The following TNR variants were observed in gnomAD, a reference collection of about 807,000 sequenced individuals.
The protein encoded by TNR is tenascin R, also known as tenascin-R.
A neutral mutation model predicts 150.4 loss-of-function variants in TNR; 45 were observed. The ratio of observed to expected loss-of-function variants is 0.30; its 90% CI spans 0.24 to 0.38. The LOEUF is 0.38. TNR is among the 10% of genes least tolerant of loss of function. The probability of loss-of-function intolerance (pLI) is 1.00; values close to 1 mark genes in which losing one functional copy is unlikely to be tolerated. For missense variants in TNR, 1,544 were observed against 1,759.1 expected (o/e 0.88, Z 2.19); for synonymous variants, 687 against 678.4 (o/e 1.01, Z -0.20).
intron 1 of TNR, among the ~76,000 whole-genome samples, chr1:175,725,673 G>A (rs187526450): frequency 1.4e-4 from 22 of 152,340 alleles, no homozygotes; most frequent in Admixed American, 1.3e-3. Context: ...TGTTTTAATA[G>A]TAGAAGAGAA....
At chr1:175,459,793 C>T (rs1432123873) in intron 2 of TNR, among the ~76,000 whole-genome samples, 2 of 152,132 alleles carry the variant, frequency 1.3e-5, no homozygotes, top group African/African-American at 4.8e-5. Flanking sequence ...AAACCCTAGC[C>T]AGCAATACTG....
chr1:175,496,044 A>G (rs908355165), intron 2 of TNR, among the ~76,000 whole-genome samples: 6 of 152,044 alleles, frequency 3.9e-5, no homozygotes, highest in Non-Finnish European at 8.8e-5. Context: ...CACTCTTTTC[A>G]AGCCATTTTG....
At chr1:175,545,545 C>T (rs1660653512) in intron 1 of TNR, among the ~76,000 whole-genome samples, 1 of 152,082 alleles carries the variant, frequency 6.6e-6, no homozygotes, top group Admixed American at 6.5e-5. Context: ...AGGCTATATG[C>T]CTGAAAACAT....
intron 2 of TNR, among the ~76,000 whole-genome samples, chr1:175,461,543 A>G (rs1474205516): frequency 4.6e-5 from 7 of 152,214 alleles, no homozygotes; most frequent in African/African-American, 1.7e-4. Flanking sequence ...GGAACTTTCC[A>G]TGAAAGAACA....
chr1:175,525,217 C>T (rs1167306645), intron 2 of TNR, among the ~76,000 whole-genome samples: 9 of 152,216 alleles, frequency 5.9e-5, no homozygotes, highest in Admixed American at 5.9e-4. Context: ...TTTGCTTCCC[C>T]TTCTGCCATG....
chr1:175,541,428 C>T (rs1369322872), intron 1 of TNR, among the ~76,000 whole-genome samples: 1 of 152,100 alleles, frequency 6.6e-6, no homozygotes, highest in South Asian at 2.1e-4. Flanking sequence ...AAACTGTGTG[C>T]AGAGGGAAAA....
intron 18 of TNR, 94 bp from the exon 19 acceptor site, chr1:175,337,773 G>A: frequency 7.1e-7 from 1 of 1,399,476 alleles, no homozygotes; most frequent in East Asian, 2.5e-5. Context: ...AGGCCTCCTG[G>A]TACATCATCA....
chr1:175,676,450 T>C (rs1395350474), intron 1 of TNR, among the ~76,000 whole-genome samples: 2 of 152,086 alleles, frequency 1.3e-5, no homozygotes, highest in Non-Finnish European at 2.9e-5. Context: ...GCTAACCTGG[T>C]GAGTGTTGAG....
At chr1:175,337,920 G>C (rs1650327533) in intron 18 of TNR, among the ~76,000 whole-genome samples, 1 of 152,196 alleles carries the variant, frequency 6.6e-6, no homozygotes. Context: ...CTAAAGGTCT[G>C]TGTTCATGGT....
intron 1 of TNR, among the ~76,000 whole-genome samples, chr1:175,572,693 CAT>C (rs1215590610): frequency 6.7e-6 from 1 of 150,120 alleles, no homozygotes; most frequent in African/African-American, 2.5e-5. Context: ...AACAGAATAA[CAT>C]ATAAATTACA....
intron 7 of TNR, among the ~76,000 whole-genome samples, chr1:175,389,586 G>GT (rs903809251): frequency 2.6e-5 from 4 of 152,188 alleles, no homozygotes; most frequent in Admixed American, 1.3e-4. Flanking sequence ...AAACCTAAGC[G>GT]TAAAAACAGA....
intron 1 of TNR, among the ~76,000 whole-genome samples, chr1:175,613,305 C>T (rs996814897): frequency 1.3e-5 from 2 of 152,178 alleles, no homozygotes; most frequent in African/African-American, 4.8e-5. Flanking sequence ...CATCCTTGTT[C>T]TAATGGTAAA....
At chr1:175,494,893 G>A (rs1571519976) in intron 2 of TNR, among the ~76,000 whole-genome samples, 1 of 152,282 alleles carries the variant, frequency 6.6e-6, no homozygotes, top group South Asian at 2.1e-4. Flanking sequence ...TTCTTCATCA[G>A]GAACTTCTTT....
At chr1:175,543,014 G>A (rs955936952) in intron 1 of TNR, among the ~76,000 whole-genome samples, 3 of 152,166 alleles carry the variant, frequency 2.0e-5, no homozygotes, top group African/African-American at 7.2e-5. Context: ...GTGCTCAGAA[G>A]GGCCTTGTGC....
At chr1:175,474,996 T>C (rs1657482379) in intron 2 of TNR, among the ~76,000 whole-genome samples, 3 of 152,192 alleles carry the variant, frequency 2.0e-5, no homozygotes, top group Non-Finnish European at 4.4e-5. Flanking sequence ...GAGAATGTTC[T>C]CTAAATGTTT....
chr1:175,365,506 G>A (rs570479706), intron 11 of TNR, among the ~76,000 whole-genome samples: 103 of 152,284 alleles, frequency 6.8e-4, no homozygotes, highest in Non-Finnish European at 1.3e-3. Flanking sequence ...ACTTCTGTGA[G>A]TTAATCATAA....
At chr1:175,426,226 G>A (rs1290537817) in intron 2 of TNR, among the ~76,000 whole-genome samples, 1 of 152,154 alleles carries the variant, frequency 6.6e-6, no homozygotes, top group Non-Finnish European at 1.5e-5. Flanking sequence ...ACAAAGATGT[G>A]CTGAAGGAAG....
intron 1 of TNR, among the ~76,000 whole-genome samples, chr1:175,539,806 T>A (rs563265506): frequency 6.6e-6 from 1 of 152,356 alleles, no homozygotes; most frequent in African/African-American, 2.4e-5. Context: ...ACCTTTATGT[T>A]ATGATTTGCC....
chr1:175,362,705 C>A lies in TNR; in HGVS notation c.2812G>T (p.Gly938Cys). The A allele has an allele frequency of 6.2e-7, 1 of 1,614,122 alleles. No homozygotes were observed. Among genetic ancestry groups the A allele is most frequent in the Non-Finnish European group, 8.5e-7 (1 of 1,180,004 alleles). Residue 938 changes from glycine to cysteine, a missense_variant, in exon 14 of 23, where the codon GGC (glycine) becomes TGC (cysteine). Gly to Cys is a radical substitution (Grantham distance 159, BLOSUM62 -3). This residue lies in a region of TNR where 1,254 missense variants were observed against 1,329.4 expected (regional missense o/e 0.94). Coordinates refer to ENST00000367674, the MANE Select transcript of TNR (RefSeq NM_003285.3). ...CAGATGCGCTCGCTTTCCTCCCTGC[C>A]CCGCACGCTGTTGAGGCTGATTTCG... is the stretch of plus-strand genomic sequence containing the variant. ...EYEISLNSVR[G>C]REESERICTL...
Sources: gnomAD v4.1 joint callset for allele counts (sites outside exome capture counted in the v4.1 genomes callset) on GRCh38, gnomAD v4.1.1 for gene constraint, gnomAD v4.1.1 regional missense constraint, MANE v1.5 for transcripts, NCBI Gene and HGNC (gene_info 2026-07-23, HGNC 2026-07-21) for gene names.